The following MAF variants were observed in gnomAD, a reference collection of about 807,000 sequenced individuals.
MAF encodes transcription factor Maf.
A neutral mutation model predicts 22.0 loss-of-function variants in MAF; 10 were observed. That is an observed-to-expected ratio of 0.45 (90% CI 0.28 to 0.77). The LOEUF is 0.77. Among genes scored for constraint, MAF ranks in the 30% least tolerant of loss-of-function variants. The pLI is 0.12. For missense variants in MAF, 544 were observed against 548.4 expected (o/e 0.99, Z 0.08); for synonymous variants, 337 against 255.8 (o/e 1.32, Z -3.03).
the MAF span, among the ~76,000 whole-genome samples, chr16:79,557,896 T>C: frequency 0.51 from 77,464 of 151,278 alleles, 20,670 homozygotes; most frequent in Non-Finnish European, 0.59. Flanking sequence ...CAAAACTTCA[T>C]TGGGCACTAA....
the MAF span, among the ~76,000 whole-genome samples, chr16:79,448,685 A>G: frequency 6.6e-6 from 1 of 152,158 alleles, no homozygotes; most frequent in South Asian, 2.1e-4. Context: ...TCAACCTCCC[A>G]AAGTGCTGGG....
At chr16:79,483,942 T>C in the MAF span, among the ~76,000 whole-genome samples, 1 of 152,158 alleles carries the variant, frequency 6.6e-6, no homozygotes, top group Non-Finnish European at 1.5e-5. Flanking sequence ...TTACCCCTCC[T>C]GGTAGAGTGG....
chr16:79,287,662 G>T, the MAF span, among the ~76,000 whole-genome samples: 1 of 152,138 alleles, frequency 6.6e-6, no homozygotes, highest in Non-Finnish European at 1.5e-5. Flanking sequence ...CTTGTTTGTT[G>T]AGCCATTTAT....
chr16:79,213,167 A>C, the MAF span, among the ~76,000 whole-genome samples: 2 of 152,170 alleles, frequency 1.3e-5, no homozygotes, highest in Admixed American at 6.5e-5. Flanking sequence ...AAGACGGAGA[A>C]AATGCTTCTG....
At chr16:79,212,741 A>G in the MAF span, 1 of 152,222 alleles carries the variant, frequency 6.6e-6, no homozygotes, top group South Asian at 2.1e-4. Context: ...TAGAAAAGAA[A>G]TCTAGAGGAA....
the MAF span, among the ~76,000 whole-genome samples, chr16:79,451,393 A>G: frequency 6.6e-6 from 1 of 152,306 alleles, no homozygotes; most frequent in African/African-American, 2.4e-5. Flanking sequence ...AAGACCACAA[A>G]GGGACTCAAG....
At chr16:79,369,629 G>A in the MAF span, among the ~76,000 whole-genome samples, 1 of 152,192 alleles carries the variant, frequency 6.6e-6, no homozygotes, top group Admixed American at 6.5e-5. Flanking sequence ...TGTGTCGATG[G>A]AAGCAACTTT....
At chr16:79,582,238 C>T (rs1046509341), downstream of MAF, among the ~76,000 whole-genome samples, 6 of 152,152 alleles carry the variant, frequency 3.9e-5, no homozygotes, top group African/African-American at 1.4e-4. Flanking sequence ...ATTCAGCAAG[C>T]AGCAGGTGAA....
At chr16:79,536,296 A>G in the MAF span, among the ~76,000 whole-genome samples, 20 of 152,336 alleles carry the variant, frequency 1.3e-4, no homozygotes, top group South Asian at 3.9e-3. Context: ...TCAGCCTTCC[A>G]TATTTGTGGG....
At chr16:79,541,812 C>T in the MAF span, among the ~76,000 whole-genome samples, 4 of 151,996 alleles carry the variant, frequency 2.6e-5, no homozygotes, top group East Asian at 1.9e-4. Flanking sequence ...GGCACCACCA[C>T]GCCCAGCTAA....
chr16:79,483,892 C>A, the MAF span, among the ~76,000 whole-genome samples: 1 of 152,162 alleles, frequency 6.6e-6, no homozygotes, highest in Non-Finnish European at 1.5e-5. Flanking sequence ...CCTTCTGTCC[C>A]CTTCTCTGGC....
chr16:79,589,172 G>A (rs1913039989), downstream of MAF, among the ~76,000 whole-genome samples: 1 of 152,072 alleles, frequency 6.6e-6, no homozygotes, highest in Non-Finnish European at 1.5e-5. Flanking sequence ...CTAAGAAAAA[G>A]GCCCCTCATG....
At chr16:79,235,958 C>T in the MAF span, among the ~76,000 whole-genome samples, 1 of 151,940 alleles carries the variant, frequency 6.6e-6, no homozygotes, top group Non-Finnish European at 1.5e-5. Flanking sequence ...TCCCATTTCT[C>T]TCCTAAAATT....
At chr16:79,304,249 G>A in the MAF span, among the ~76,000 whole-genome samples, 4 of 152,108 alleles carry the variant, frequency 2.6e-5, no homozygotes, top group Non-Finnish European at 4.4e-5. Flanking sequence ...ATGTCAGCCC[G>A]GGAAGCATCG....
the MAF span, among the ~76,000 whole-genome samples, chr16:79,453,519 C>T: frequency 4.3e-4 from 65 of 152,152 alleles, no homozygotes; most frequent in Admixed American, 1.7e-3. Flanking sequence ...TATTCATACA[C>T]TACTATTGGC....
At chr16:79,287,696 T>C in the MAF span, among the ~76,000 whole-genome samples, 34 of 152,370 alleles carry the variant, frequency 2.2e-4, no homozygotes, top group East Asian at 6.4e-3. Context: ...CATCCACTCA[T>C]TCTTTCATTC....
At chr16:79,303,478 G>T in the MAF span, among the ~76,000 whole-genome samples, 1 of 152,158 alleles carries the variant, frequency 6.6e-6, no homozygotes, top group Non-Finnish European at 1.5e-5. Flanking sequence ...AATGATCCCT[G>T]CTGAGGCTAG....
chr16:79,227,440 C>T, the MAF span, among the ~76,000 whole-genome samples: 1 of 152,086 alleles, frequency 6.6e-6, no homozygotes, highest in African/African-American at 2.4e-5. Context: ...CTCCCTGTGA[C>T]TTTGGCCAGG....
At chr16:79,474,776 G>A in the MAF span, among the ~76,000 whole-genome samples, 1 of 152,178 alleles carries the variant, frequency 6.6e-6, no homozygotes, top group African/African-American at 2.4e-5. Flanking sequence ...GGCAAGAAGG[G>A]ACCATCCCAT....
Sources: gnomAD v4.1 joint callset for allele counts (sites outside exome capture counted in the v4.1 genomes callset) on GRCh38, gnomAD v4.1.1 for gene constraint, MANE v1.5 for transcripts, NCBI Gene and HGNC (gene_info 2026-07-23, HGNC 2026-07-21) for gene names.